The following KCND2 variants were observed in gnomAD, a reference collection of about 807,000 sequenced individuals.
The protein encoded by KCND2 is potassium voltage-gated channel subfamily D member 2, also known as A-type voltage-gated potassium channel KCND2.
In KCND2, 16 loss-of-function variants were observed where a neutral mutation model predicts 54.4. The observed-to-expected ratio is 0.29, with a 90% CI of 0.20 to 0.45. KCND2 has a LOEUF of 0.45. Ranked by LOEUF, KCND2 falls within the 20% of genes least tolerant of loss-of-function variation. The probability of loss-of-function intolerance (pLI) is 1.00; values close to 1 mark genes in which losing one functional copy is unlikely to be tolerated. For synonymous variants in KCND2, 317 were observed against 310.7 expected, an observed-to-expected ratio of 1.02 and a Z score of -0.21; for missense variants, 486 against 824.2, an observed-to-expected ratio of 0.59 and a Z score of 5.02.
chr7:120,472,564 C>T (rs1413477060), intron 1 of KCND2, among the ~76,000 whole-genome samples: 2 of 116,482 alleles, frequency 1.7e-5, no homozygotes, highest in African/African-American at 4.7e-5. Context: ...ACTTTAAATA[C>T]ACACACACAC....
At chr7:120,455,772 G>T (rs1046077161) in intron 1 of KCND2, among the ~76,000 whole-genome samples, 1 of 152,118 alleles carries the variant, frequency 6.6e-6, no homozygotes, top group Non-Finnish European at 1.5e-5. Context: ...TTAATAGTAG[G>T]AGCTAAAGAC....
At chr7:120,624,540 G>A (rs557662755) in intron 1 of KCND2, among the ~76,000 whole-genome samples, 2 of 152,254 alleles carry the variant, frequency 1.3e-5, no homozygotes, top group East Asian at 3.9e-4. Flanking sequence ...CAGCATTTGA[G>A]GGACCAAGGC....
chr7:120,678,655 TACAC>T (rs1200530130), intron 1 of KCND2, among the ~76,000 whole-genome samples: 2 of 145,338 alleles, frequency 1.4e-5, no homozygotes, highest in African/African-American at 2.5e-5. Context: ...TATATACACA[TACAC>T]ACACATATAC....
At chr7:120,634,162 C>T (rs1793273634) in intron 1 of KCND2, among the ~76,000 whole-genome samples, 2 of 152,076 alleles carry the variant, frequency 1.3e-5, no homozygotes, top group African/African-American at 2.4e-5. Context: ...CACATTTCAA[C>T]CCGAGGCAAG....
At chr7:120,723,317 A>C (rs2116111614) in intron 1 of KCND2, among the ~76,000 whole-genome samples, 1 of 152,272 alleles carries the variant, frequency 6.6e-6, no homozygotes, top group Admixed American at 6.5e-5. Flanking sequence ...CAATATACTC[A>C]CAAGGTTTAA....
chr7:120,364,257 C>T (rs1249306784), intron 1 of KCND2, among the ~76,000 whole-genome samples: 1 of 152,152 alleles, frequency 6.6e-6, no homozygotes, highest in Non-Finnish European at 1.5e-5. Context: ...CTGGGGGGAA[C>T]CCCACCATTT....
intron 1 of KCND2, among the ~76,000 whole-genome samples, chr7:120,658,256 C>T (rs889170906): frequency 2.0e-5 from 3 of 152,144 alleles, no homozygotes; most frequent in Admixed American, 6.5e-5. Context: ...TCCCCTGTTC[C>T]TGCTGTATTT....
At chr7:120,572,155 T>G (rs1792373888) in intron 1 of KCND2, among the ~76,000 whole-genome samples, 1 of 152,138 alleles carries the variant, frequency 6.6e-6, no homozygotes, top group Non-Finnish European at 1.5e-5. Flanking sequence ...GTGCTTGCCT[T>G]TTCCCATCCT....
intron 1 of KCND2, among the ~76,000 whole-genome samples, chr7:120,702,085 G>A (rs146945474): frequency 6.6e-6 from 1 of 152,032 alleles, no homozygotes; most frequent in East Asian, 1.9e-4. Flanking sequence ...CAGCATCTGA[G>A]AGGAACTTAA....
At chr7:120,468,011 A>G (rs1026897788) in intron 1 of KCND2, among the ~76,000 whole-genome samples, 2 of 152,108 alleles carry the variant, frequency 1.3e-5, no homozygotes, top group African/African-American at 2.4e-5. Flanking sequence ...GATAAATGAC[A>G]ATTATATGTA....
intron 1 of KCND2, among the ~76,000 whole-genome samples, chr7:120,629,645 T>C (rs1032179932): frequency 4.6e-5 from 7 of 152,116 alleles, no homozygotes; most frequent in African/African-American, 1.7e-4. Flanking sequence ...GGGGTCAAGG[T>C]GGACGCTGCA....
intron 1 of KCND2, among the ~76,000 whole-genome samples, chr7:120,370,179 T>C (rs1800746165): frequency 1.3e-5 from 2 of 151,934 alleles, no homozygotes. Flanking sequence ...GGTCCTAAAG[T>C]AAAAGCATTT....
At chr7:120,690,842 T>A (rs1792259834) in intron 1 of KCND2, among the ~76,000 whole-genome samples, 1 of 152,060 alleles carries the variant, frequency 6.6e-6, no homozygotes, top group Non-Finnish European at 1.5e-5. Flanking sequence ...GACAGATGTA[T>A]GCAAAATAAA....
chr7:120,383,379 A>T (rs1800939846), intron 1 of KCND2, among the ~76,000 whole-genome samples: 2 of 152,122 alleles, frequency 1.3e-5, no homozygotes, highest in African/African-American at 2.4e-5. Context: ...ATTTGAACAA[A>T]TTACTTAAGA....
chr7:120,305,537 C>T (rs1254169384), intron 1 of KCND2, among the ~76,000 whole-genome samples: 5 of 152,042 alleles, frequency 3.3e-5, no homozygotes, highest in Non-Finnish European at 5.9e-5. Flanking sequence ...ATTCAGTTTC[C>T]CTTATTCTCA....
chr7:120,387,910 C>A (rs973354686), intron 1 of KCND2, among the ~76,000 whole-genome samples: 1 of 151,980 alleles, frequency 6.6e-6, no homozygotes, highest in Non-Finnish European at 1.5e-5. Flanking sequence ...CAAACAAACA[C>A]AAATCAACAT....
chr7:120,715,268 AAT>A (rs1792589255), intron 1 of KCND2, among the ~76,000 whole-genome samples: 1 of 152,074 alleles, frequency 6.6e-6, no homozygotes, highest in South Asian at 2.1e-4. Flanking sequence ...CCGAAAAAAA[AAT>A]ATGATAGTTG....
intron 1 of KCND2, among the ~76,000 whole-genome samples, chr7:120,295,400 A>C (rs1022734596): frequency 2.0e-5 from 3 of 149,748 alleles, no homozygotes; most frequent in Non-Finnish European, 4.4e-5. Flanking sequence ...ACAGACACAC[A>C]CACACACACA....
At chr7:120,288,745 T>A (rs1265823000) in intron 1 of KCND2, among the ~76,000 whole-genome samples, 1 of 152,104 alleles carries the variant, frequency 6.6e-6, no homozygotes, top group Non-Finnish European at 1.5e-5. Flanking sequence ...GTTACAGGAT[T>A]TTTGAACATC....
Sources: gnomAD v4.1 joint callset for allele counts (sites outside exome capture counted in the v4.1 genomes callset) on GRCh38, gnomAD v4.1.1 for gene constraint, MANE v1.5 for transcripts, NCBI Gene and HGNC (gene_info 2026-07-23, HGNC 2026-07-21) for gene names.